MEGF6: variants seen among roughly 807,000 people sequenced by gnomAD.
MEGF6 encodes multiple epidermal growth factor-like domains protein 6.
A neutral mutation model predicts 207.1 loss-of-function variants in MEGF6; 184 were observed. That is an observed-to-expected ratio of 0.89 (90% CI 0.79 to 1.00). The LOEUF is 1.00. Ranked by LOEUF, MEGF6 falls within the 50% of genes least tolerant of loss-of-function variation. The probability of loss-of-function intolerance (pLI) is 0.00; values close to 1 mark genes in which losing one functional copy is unlikely to be tolerated. For missense variants in MEGF6, 2,282 were observed against 2,202.9 expected (o/e 1.04, Z -0.72); for synonymous variants, 1,038 against 910.0 (o/e 1.14, Z -2.53).
chr1:3,518,551 G>A (rs920637627), intron 5 of MEGF6, among the ~76,000 whole-genome samples: 18 of 152,258 alleles, frequency 1.2e-4, no homozygotes, highest in African/African-American at 4.1e-4. Context: ...CTCTGAGCTC[G>A]TTGGCTGACT....
At chr1:3,508,995 T>G in intron 12 of MEGF6, 80 bp downstream of exon 12, 3 of 1,401,886 alleles carry the variant, frequency 2.1e-6, no homozygotes, top group Non-Finnish European at 2.8e-6. Flanking sequence ...CAGCCTCTGA[T>G]TGGATGGCAG....
At chr1:3,517,838 T>C (rs1445449491) in intron 5 of MEGF6, among the ~76,000 whole-genome samples, 2 of 152,246 alleles carry the variant, frequency 1.3e-5, no homozygotes, top group African/African-American at 2.4e-5. Flanking sequence ...CTGGCTCACC[T>C]GCGGACAGAT....
At chr1:3,530,241 C>G (rs1208694833) in intron 4 of MEGF6, among the ~76,000 whole-genome samples, 3 of 152,228 alleles carry the variant, frequency 2.0e-5, no homozygotes, top group Admixed American at 6.5e-5. Flanking sequence ...CTTTGCCACA[C>G]TGAGGGCGTG....
At chr1:3,496,141 TG>T (rs1640596198) in intron 29 of MEGF6, 123 bp from the exon 30 acceptor site, 2 of 1,369,854 alleles carry the variant, frequency 1.5e-6, no homozygotes, top group East Asian at 5.3e-5. Flanking sequence ...CCAGACAGGG[TG>T]GGGCCAGCCA....
rs576885272 is a variant in MEGF6, at chr1:3,520,808, T to C, written c.604+3316A>G. 5.9e-5 allele frequency among the ~76,000 whole-genome samples: 9 copies of C among 152,302 alleles called. No homozygotes were observed. The East Asian group carries it at 1.5e-3, about 26-fold the overall frequency. ...GGAGGTGTGGAGGTTGTACCTTTCC[T>C]GGCCTCTCTCTGCCTCAGAGACAAG... On this transcript the variant is annotated intron_variant, in intron 5 of 36. Coordinates refer to ENST00000356575, the MANE Select transcript of MEGF6 (RefSeq NM_001409.4).
chr1:3,523,081 G>T (rs1014916100), intron 5 of MEGF6, among the ~76,000 whole-genome samples: 3 of 152,076 alleles, frequency 2.0e-5, no homozygotes, highest in African/African-American at 4.8e-5. Flanking sequence ...TGCCGGGGGG[G>T]GGGCCCCAGG....
intron 4 of MEGF6, among the ~76,000 whole-genome samples, chr1:3,577,786 G>A (rs1643681979): frequency 6.6e-6 from 1 of 152,214 alleles, no homozygotes. Context: ...CCGCAGTGCT[G>A]GCCTGGGCCT....
At position 3,556,884 on chromosome 1, in the gene MEGF6, G is replaced by C. The variant is rs775836197; in HGVS notation, c.481+22941C>G. Among the ~76,000 whole-genome samples, 54 of 152,224 alleles carry C rather than the reference G, an allele frequency of 3.5e-4. No individual in the cohort carries two copies. The highest frequency in any genetic ancestry group is 6.9e-4 in the Non-Finnish European group (47 of 68,038). On this transcript the variant is annotated intron_variant, in intron 4 of 36. Coordinates refer to ENST00000356575, the MANE Select transcript of MEGF6 (RefSeq NM_001409.4). The surrounding 1 kb of genome is among the most constrained non-coding windows in gnomAD (Gnocchi z 4.4). ...GCTGCCTCATGGTACAGGGGAGCCA[G>C]GGCTGTGGAAAGAACGAAGGCAGCC... is the stretch of plus-strand genomic sequence containing the variant.
chr1:3,606,405 G>A (rs964631876), intron 1 of MEGF6, among the ~76,000 whole-genome samples: 1 of 152,246 alleles, frequency 6.6e-6, no homozygotes, highest in Admixed American at 6.5e-5. Context: ...TTTGAAGCAA[G>A]GTCTCACCGC....
intron 2 of MEGF6, among the ~76,000 whole-genome samples, chr1:3,598,530 C>G (rs1381980829): frequency 6.6e-6 from 1 of 152,190 alleles, no homozygotes; most frequent in Non-Finnish European, 1.5e-5. Context: ...GCAGCAGTGC[C>G]GGGCTACGTG....
At chr1:3,505,690 G>A in intron 15 of MEGF6, 134 bp from the exon 16 acceptor site, 1 of 1,201,666 alleles carries the variant, frequency 8.3e-7, no homozygotes, top group Non-Finnish European at 1.1e-6. Flanking sequence ...CTCTCCCCCT[G>A]CAGCCCACCG....
chr1:3,490,196 C>T lies in MEGF6; in HGVS notation c.*332G>A, dbSNP rs753075694. 2.3e-4 allele frequency: 90 copies of T among 392,148 alleles called. No homozygotes were observed. Among genetic ancestry groups the T allele is most frequent in the Non-Finnish European group, 3.5e-4 (76 of 217,778 alleles). The allele number at this position is 392,148 out of a possible 1,614,324, so 24.3% of individuals were successfully genotyped here. A position where few individuals can be genotyped will look rare whatever the true frequency, so the allele number is the denominator to read the frequency against. On this transcript the variant is annotated 3_prime_UTR_variant, in exon 37 of 37. Coordinates refer to ENST00000356575, the MANE Select transcript of MEGF6 (RefSeq NM_001409.4). ...CCTGTGCCTGCACCTGCGCCTGCACCCACACTGGCGCCCACACCTGTCCTC... is the reference window on the plus strand; with the variant it reads ...CCTGTGCCTGCACCTGCGCCTGCACTCACACTGGCGCCCACACCTGTCCTC...
Position 3,496,986 on chromosome 1 carries a change from A to G in MEGF6, c.3613+2T>C. 4 of 1,549,044 alleles carry G rather than the reference A, an allele frequency of 2.6e-6. No individual in the cohort carries two copies. Among genetic ancestry groups the G allele is most frequent in the Non-Finnish European group, 3.5e-6 (4 of 1,146,964 alleles). ...CCCTGGGTGGGCACGGGCAGCACTC[A>G]CGTTGCTGGCAGCTGGGGCCGTGGT... On this transcript the variant is annotated splice_donor_variant, in intron 28 of 36. Transcript: ENST00000356575. LOFTEE classifies it high-confidence loss of function.
At chr1:3,515,104 C>T (rs560059927) in intron 6 of MEGF6, among the ~76,000 whole-genome samples, 75 of 152,310 alleles carry the variant, frequency 4.9e-4, no homozygotes, top group African/African-American at 1.7e-3. Flanking sequence ...GAGTCTGCCG[C>T]ACCGTCACCA....
intron 2 of MEGF6, among the ~76,000 whole-genome samples, chr1:3,595,910 G>C (rs1644056603): frequency 6.6e-6 from 1 of 152,160 alleles, no homozygotes; most frequent in African/African-American, 2.4e-5. Context: ...GGACCGGGTG[G>C]GCTGTGCCAG....
In MEGF6 at chr1:3,494,027, A is replaced by G. The variant is rs1419825661; in HGVS notation, c.4227T>C (p.Pro1409=). 1 of 1,609,128 alleles carries G rather than the reference A, an allele frequency of 6.2e-7. No homozygotes were observed. Residue 1409 remains proline, a synonymous_variant, in exon 33 of 37, where the codon CCT becomes CCC. Transcript: ENST00000356575. The part of the protein sequence containing the change: ...CDPISGRCLC[P]AGFHGHFCER... ...CACAGAAGTGGCCGTGGAAGCCGGCAGGGCAGAGGCATCGGCCACTGATGG... is the reference window on the plus strand; with the variant it reads ...CACAGAAGTGGCCGTGGAAGCCGGCGGGGCAGAGGCATCGGCCACTGATGG...
chr1:3,498,905 TG>T, intron 24 of MEGF6, 79 bp from the exon 25 acceptor site: 1 of 1,513,758 alleles, frequency 6.6e-7, no homozygotes, highest in South Asian at 1.2e-5. Context: ...TCCAGCCCCA[TG>T]TTGGACTTTG....
At chr1:3,595,501 G>T in intron 2 of MEGF6, 54 bp from the exon 3 acceptor site, 2 of 1,437,652 alleles carry the variant, frequency 1.4e-6, no homozygotes, top group South Asian at 1.1e-5. Flanking sequence ...GGCTGTATTC[G>T]GCTCTCACTG....
Position 3,494,515 on chromosome 1 carries a change from G to A in MEGF6, c.4001-16C>T, listed in dbSNP as rs746504170. The A allele has an allele frequency of 6.3e-7, 1 of 1,585,014 alleles. No homozygotes were observed. The highest frequency in any genetic ancestry group is 8.6e-7 in the Non-Finnish European group (1 of 1,169,218). On this transcript the variant is annotated splice_polypyrimidine_tract_variant and intron_variant, in intron 31 of 36. Coordinates refer to ENST00000356575, the MANE Select transcript of MEGF6 (RefSeq NM_001409.4). ...GGGGGACAGGCTGGGGACAGGGCAG[G>A]GTGGGCAGTCCTTCGGCACCAGCCT...
Sources: gnomAD v4.1 joint callset for allele counts (sites outside exome capture counted in the v4.1 genomes callset) on GRCh38, gnomAD v4.1.1 for gene constraint, Gnocchi (gnomAD v3.1) non-coding constraint, MANE v1.5 for transcripts, NCBI Gene and HGNC (gene_info 2026-07-23, HGNC 2026-07-21) for gene names.